Variants in R3HDM1 observed in about 807,000 individuals in gnomAD.
The protein encoded by R3HDM1 is R3H domain containing 1.
A neutral mutation model predicts 141.1 loss-of-function variants in R3HDM1; 46 were observed. The observed-to-expected ratio is 0.33, with a 90% CI of 0.26 to 0.42. The LOEUF is 0.42. Ranked by LOEUF, R3HDM1 falls within the 10% of genes least tolerant of loss-of-function variation. The probability of loss-of-function intolerance (pLI) is 1.00; values close to 1 mark genes in which losing one functional copy is unlikely to be tolerated. For synonymous variants in R3HDM1, 435 were observed against 472.9 expected (o/e 0.92, Z 1.04); for missense variants, 1,184 against 1,368.3 (o/e 0.87, Z 2.12).
At chr2:135,572,939 A>C (rs1024499209) in intron 1 of R3HDM1, among the ~76,000 whole-genome samples, 2 of 152,226 alleles carry the variant, frequency 1.3e-5, no homozygotes, top group African/African-American at 2.4e-5. Context: ...TTTATATAAA[A>C]TGCCTAGAAT....
intron 9 of R3HDM1, 103 bp downstream of exon 9, chr2:135,632,104 T>C (rs1392367336): frequency 9.8e-7 from 1 of 1,024,080 alleles, no homozygotes. Context: ...TTTAACAGTC[T>C]AATTAAGTTT....
At chr2:135,665,776 G>A (rs1181369455) in intron 19 of R3HDM1, among the ~76,000 whole-genome samples, 1 of 152,130 alleles carries the variant, frequency 6.6e-6, no homozygotes, top group Admixed American at 6.6e-5. Context: ...ATTAGCAGAA[G>A]TCAAATATGT....
intron 18 of R3HDM1, among the ~76,000 whole-genome samples, chr2:135,659,214 C>T (rs1363130309): frequency 6.6e-6 from 1 of 152,084 alleles, no homozygotes; most frequent in Non-Finnish European, 1.5e-5. Context: ...TCTCCCACCT[C>T]AGCCCCCCAA....
chr2:135,581,307 A>G (rs1706746350), intron 1 of R3HDM1: 1 of 981,608 alleles, frequency 1.0e-6, no homozygotes, highest in African/African-American at 1.7e-5. Flanking sequence ...GGGAACTCTC[A>G]TGCGTCCTTC....
intron 1 of R3HDM1, among the ~76,000 whole-genome samples, chr2:135,538,062 A>G (rs892124957): frequency 6.6e-6 from 1 of 152,204 alleles, no homozygotes; most frequent in African/African-American, 2.4e-5. Flanking sequence ...TTGTTGTGCC[A>G]ACATCATGGA....
chr2:135,637,202 A>G (rs2063346301), intron 11 of R3HDM1, among the ~76,000 whole-genome samples: 2 of 152,222 alleles, frequency 1.3e-5, no homozygotes, highest in Non-Finnish European at 2.9e-5. Flanking sequence ...GGTGTAATAG[A>G]TGACACAGCA....
At chr2:135,721,735 C>T (rs972322166) in intron 24 of R3HDM1, 189 bp from the exon 25 acceptor site, 4 of 426,802 alleles carry the variant, frequency 9.4e-6, no homozygotes, top group African/African-American at 6.1e-5. Context: ...TTACAGGCGC[C>T]CACCACCAGG....
At chr2:135,628,739 A>G (rs536826693) in intron 7 of R3HDM1, among the ~76,000 whole-genome samples, 1 of 151,812 alleles carries the variant, frequency 6.6e-6, no homozygotes, top group Admixed American at 6.6e-5. Flanking sequence ...CAATTCTCCT[A>G]CCTCAGCCTC....
At chr2:135,561,900 A>G (rs1559126589) in intron 1 of R3HDM1, among the ~76,000 whole-genome samples, 1 of 152,226 alleles carries the variant, frequency 6.6e-6, no homozygotes, top group Non-Finnish European at 1.5e-5. Context: ...ACTGAATTAT[A>G]GGCTTGGCGT....
intron 1 of R3HDM1, 145 bp downstream of exon 1, chr2:135,531,778 C>T (rs1376893756): frequency 4.1e-6 from 4 of 985,662 alleles, no homozygotes; most frequent in East Asian, 2.3e-4. Flanking sequence ...CCTTCCCCGC[C>T]GGGTCGTCGG....
At chr2:135,532,123 C>A (rs772558474) in intron 1 of R3HDM1, among the ~76,000 whole-genome samples, 6 of 152,250 alleles carry the variant, frequency 3.9e-5, no homozygotes, top group Non-Finnish European at 8.8e-5. Flanking sequence ...GTGCCCCGGG[C>A]TCCCCCGGCC....
Position 135,616,706 on chromosome 2 carries a change from G to A in R3HDM1, c.252G>A (p.Val84=). The A allele has an allele frequency of 6.2e-7, 1 of 1,610,024 alleles. No homozygotes were observed. The highest frequency in any genetic ancestry group is 1.3e-5 in the African/African-American group (1 of 74,988). The change falls in exon 5 of 27, where the codon GTG becomes GTA. Residue 84 remains valine, a synonymous_variant. Coordinates refer to ENST00000683871, the MANE Select transcript of R3HDM1 (RefSeq NM_001378107.1). The stretch of plus-strand genomic sequence containing the variant: ...TAAAGCTAGTTCGGAGCCTTGCAGT[G>A]TGTGAAGAATCTCCACCACCCCCTG... ...SKLKLVRSLA[V]CEESPPPPAP... is the part of the protein sequence containing the mutation.
At chr2:135,589,471 A>G (rs1031519870) in intron 1 of R3HDM1, among the ~76,000 whole-genome samples, 1 of 152,166 alleles carries the variant, frequency 6.6e-6, no homozygotes, top group African/African-American at 2.4e-5. Context: ...CAAAATCATC[A>G]TCTCTAAATC....
At chr2:135,675,302 A>G in intron 19 of R3HDM1, 30 bp from the exon 20 acceptor site, 1 of 1,576,700 alleles carries the variant, frequency 6.3e-7, no homozygotes, top group Non-Finnish European at 8.6e-7. Context: ...ATGAATTCAG[A>G]GCAGGATTTA....
intron 1 of R3HDM1, among the ~76,000 whole-genome samples, chr2:135,548,390 TTAAC>T (rs1199355325): frequency 1.3e-5 from 2 of 152,360 alleles, no homozygotes; most frequent in African/African-American, 4.8e-5. Flanking sequence ...ATGCATATGA[TTAAC>T]TAGAGTTGAA....
intron 1 of R3HDM1, among the ~76,000 whole-genome samples, chr2:135,577,385 A>G (rs1418434892): frequency 6.8e-6 from 1 of 148,002 alleles, no homozygotes; most frequent in Non-Finnish European, 1.5e-5. Context: ...TATCCCTAAT[A>G]TATAAAGAAC....
chr2:135,624,320 G>A (rs943794301), intron 7 of R3HDM1, among the ~76,000 whole-genome samples: 4 of 151,764 alleles, frequency 2.6e-5, no homozygotes, highest in Non-Finnish European at 4.4e-5. Context: ...GTGTAAACCC[G>A]GGAGGCAGAG....
intron 5 of R3HDM1, among the ~76,000 whole-genome samples, 161 bp downstream of exon 5, chr2:135,616,918 T>G (rs1381780642): frequency 6.6e-6 from 1 of 152,222 alleles, no homozygotes; most frequent in Non-Finnish European, 1.5e-5. Flanking sequence ...AGAAAACCTC[T>G]TTGCTTCAAT....
At chr2:135,636,051 T>G in intron 10 of R3HDM1, 37 bp from the exon 11 acceptor site, 4 of 1,610,810 alleles carry the variant, frequency 2.5e-6, no homozygotes, top group Non-Finnish European at 3.4e-6. Context: ...ACTATACCAG[T>G]AGTTCATTTG....
Sources: allele counts gnomAD v4.1 joint callset (sites outside exome capture counted in the v4.1 genomes callset), GRCh38; gene constraint gnomAD v4.1.1; transcripts MANE v1.5; gene names NCBI Gene and HGNC (gene_info 2026-07-23, HGNC 2026-07-21).